The following TAF7L variants were observed in gnomAD, a reference collection of about 807,000 sequenced individuals.
TAF7L encodes the protein transcription initiation factor TFIID subunit 7-like.
In TAF7L, 6 loss-of-function variants were observed where a neutral mutation model predicts 30.2. The observed-to-expected ratio is 0.20, with a 90% CI of 0.11 to 0.39. The LOEUF (loss-of-function observed/expected upper bound fraction) is 0.39, where lower values mean the gene tolerates loss of function less well. Ranked by LOEUF, TAF7L falls within the 10% of genes least tolerant of loss-of-function variation. The pLI is 1.00. For missense variants in TAF7L, 284 were observed against 277.1 expected, an observed-to-expected ratio of 1.03 and a Z score of -0.18; for synonymous variants, 93 against 94.5, an observed-to-expected ratio of 0.98 and a Z score of 0.09.
chrX:101,280,091 G>A (rs1239603009), intron 6 of TAF7L, among the ~76,000 whole-genome samples: 1 of 107,181 alleles, frequency 9.3e-6, no homozygotes, highest in Non-Finnish European at 1.9e-5. Context: ...ATCTGGGCTA[G>A]GCAAAGAGTT....
intron 12 of TAF7L, among the ~76,000 whole-genome samples, chrX:101,274,562 T>C (rs1924095154): frequency 9.0e-6 from 1 of 110,927 alleles, no homozygotes; most frequent in South Asian, 3.8e-4. Context: ...ATTAGGTGAA[T>C]TGGTTTGTCT....
intron 5 of TAF7L, among the ~76,000 whole-genome samples, chrX:101,282,109 C>T (rs1924434764): frequency 9.0e-6 from 1 of 110,720 alleles, no homozygotes; most frequent in Admixed American, 9.7e-5. Context: ...TGGTCTCGAA[C>T]TCCTGACCTC....
At chrX:101,274,492 C>T (rs1451744539) in intron 12 of TAF7L, among the ~76,000 whole-genome samples, 1 of 111,428 alleles carries the variant, frequency 9.0e-6, no homozygotes, top group African/African-American at 3.3e-5. Flanking sequence ...CATGCATGAG[C>T]CACCACTCCT....
chrX:101,270,534 GC>G (rs1277561354), intron 12 of TAF7L, among the ~76,000 whole-genome samples: 1 of 110,924 alleles, frequency 9.0e-6, no homozygotes, highest in African/African-American at 3.3e-5. Flanking sequence ...AACTCAACTA[GC>G]CCCACAGCTT....
chrX:101,287,594 C>CCTCTTG, intron 1 of TAF7L, 49 bp from the exon 2 acceptor site: 2 of 989,376 alleles, frequency 2.0e-6, no homozygotes, highest in Non-Finnish European at 2.9e-6. Context: ...ACTAAAAACT[C>CCTCTTG]CTCTTGCTCC....
Position 101,269,150 on chromosome X carries a change from G to A in TAF7L, c.*43C>T, listed in dbSNP as rs764199364. The A allele has an allele frequency of 5.1e-5, 60 of 1,166,371 alleles. No individual in the cohort carries two copies. The highest frequency in any genetic ancestry group is 6.5e-5 in the Non-Finnish European group (56 of 858,709). On this transcript the variant is annotated 3_prime_UTR_variant, in exon 13 of 13. Coordinates refer to ENST00000356784, the MANE Select transcript of TAF7L (RefSeq NM_001168474.2). ...CACAGTTTCATCCAATCTGCAGTCTGGATGGTGAATCCAAGGTTTGTGGGC... is the reference window on the plus strand; with the variant it reads ...CACAGTTTCATCCAATCTGCAGTCTAGATGGTGAATCCAAGGTTTGTGGGC...
chrX:101,282,311 G>C lies in TAF7L; in HGVS notation c.406+16C>G. On this transcript the variant is annotated intron_variant, in intron 5 of 12. Coordinates refer to ENST00000356784, the MANE Select transcript of TAF7L (RefSeq NM_001168474.2). ...AATTTTAGTCAGCAGGAATGAGCAA[G>C]GGGCTGGTGACTTACTGCCATGCTT... 1 of 1,210,511 alleles carries C rather than the reference G, an allele frequency of 8.3e-7. No homozygotes were observed.
intron 12 of TAF7L, among the ~76,000 whole-genome samples, chrX:101,271,496 G>A (rs752190546): frequency 1.4e-4 from 16 of 111,113 alleles, no homozygotes; most frequent in Non-Finnish European, 3.8e-5. Flanking sequence ...ACATAGAAAA[G>A]GTAAACTAAA....
intron 3 of TAF7L, among the ~76,000 whole-genome samples, chrX:101,284,567 G>A (rs1327227448): frequency 8.9e-6 from 1 of 111,857 alleles, no homozygotes; most frequent in Non-Finnish European, 1.9e-5. Flanking sequence ...GTTTCGCCAT[G>A]TTGGCCAGGC....
intron 9 of TAF7L, 136 bp downstream of exon 9, chrX:101,277,470 A>AAAAAAAAG: frequency 2.8e-6 from 1 of 352,095 alleles, no homozygotes; most frequent in Non-Finnish European, 4.9e-6. Context: ...AAAAAAAAAA[A>AAAAAAAAG]GAGGGAAGGA....
chrX:101,271,273 TG>T (rs1569510877), intron 12 of TAF7L, among the ~76,000 whole-genome samples: 1 of 111,991 alleles, frequency 8.9e-6, no homozygotes, highest in Non-Finnish European at 1.9e-5. Context: ...TACTTAACAA[TG>T]GGGATATGTT....
At chrX:101,270,886 G>A (rs973502701) in intron 12 of TAF7L, among the ~76,000 whole-genome samples, 2 of 111,274 alleles carry the variant, frequency 1.8e-5, no homozygotes, top group African/African-American at 6.5e-5. Flanking sequence ...AATCTAAACT[G>A]TTCACCCTGG....
rs1333945147 is a variant in TAF7L at position 101,275,249 on chromosome X, C to T, written c.1059G>A (p.Glu353=). 1 of 1,188,656 alleles carries T rather than the reference C, an allele frequency of 8.4e-7. No individual in the cohort carries two copies. The highest frequency in any genetic ancestry group is 1.9e-5 in the South Asian group (1 of 53,795). ...NHFQSVLEQL[E]LQEKQKNEKL... Reference sequence around the variant, plus strand: ...TCTCATTTTTTTGTTTTTCCTGTAACTCAAGCTGCTCCAGCACAGACTGAA... The same window carrying T: ...TCTCATTTTTTTGTTTTTCCTGTAATTCAAGCTGCTCCAGCACAGACTGAA... Residue 353 remains glutamate, a synonymous_variant, in exon 12 of 13, where the codon GAG becomes GAA. Transcript: ENST00000356784.
chrX:101,276,889 G>A (rs1924204317), intron 9 of TAF7L, among the ~76,000 whole-genome samples: 1 of 109,764 alleles, frequency 9.1e-6, no homozygotes, highest in Non-Finnish European at 1.9e-5. Context: ...CAGCACTTTG[G>A]GAGGCCAACG....
intron 1 of TAF7L, 143 bp from the exon 2 acceptor site, chrX:101,287,688 A>G: frequency 2.5e-6 from 1 of 396,526 alleles, no homozygotes; most frequent in Non-Finnish European, 4.4e-6. Flanking sequence ...GTGTACAGTT[A>G]GACAATACCT....
chrX:101,270,745 C>G (rs761741180), intron 12 of TAF7L, among the ~76,000 whole-genome samples: 34 of 111,553 alleles, frequency 3.0e-4, no homozygotes, highest in Non-Finnish European at 3.4e-4. Flanking sequence ...CTGTTTGCTT[C>G]TACCACTTGC....
chrX:101,285,496 T>TTAA (rs1924550706), intron 3 of TAF7L, among the ~76,000 whole-genome samples: 1 of 39,222 alleles, frequency 2.5e-5, no homozygotes. Context: ...AGACTCCATC[T>TTAA]CAAAAAAAAA....
chrX:101,271,383 C>T (rs1416855626), intron 12 of TAF7L, among the ~76,000 whole-genome samples: 1 of 112,066 alleles, frequency 8.9e-6, no homozygotes, highest in East Asian at 2.8e-4. Flanking sequence ...ACCTAGGCTA[C>T]ATAGTATAGT....
At chrX:101,284,132 C>G (rs1662555871) in intron 3 of TAF7L, among the ~76,000 whole-genome samples, 1 of 111,356 alleles carries the variant, frequency 9.0e-6, no homozygotes, top group Non-Finnish European at 1.9e-5. Context: ...CAAGAGGATT[C>G]AGGTATAATC....
Sources: allele counts gnomAD v4.1 joint callset (sites outside exome capture counted in the v4.1 genomes callset), GRCh38; gene constraint gnomAD v4.1.1; transcripts MANE v1.5; gene names NCBI Gene and HGNC (gene_info 2026-07-23, HGNC 2026-07-21).